The following LSM14A variants were observed in gnomAD, a reference collection of about 807,000 sequenced individuals.
LSM14A encodes LSM14A mRNA processing body assembly factor.
LSM14A carries 14 observed loss-of-function variants against 52.4 expected under a neutral mutation model. The observed-to-expected ratio is 0.27, with a 90% CI of 0.18 to 0.42. The LOEUF is 0.42. Among genes scored for constraint, LSM14A ranks in the 10% least tolerant of loss-of-function variants. LSM14A has a pLI of 1.00. For missense variants in LSM14A, 417 were observed against 581.8 expected, an observed-to-expected ratio of 0.72 and a Z score of 2.91; for synonymous variants, 185 against 200.3, an observed-to-expected ratio of 0.92 and a Z score of 0.64.
chr19:34,206,859 G>A (rs1386116949), intron 3 of LSM14A, among the ~76,000 whole-genome samples: 3 of 152,148 alleles, frequency 2.0e-5, no homozygotes, highest in Admixed American at 1.3e-4. Context: ...TTCAGAAGAA[G>A]GATTGTATAT....
chr19:34,221,843 G>A (rs1457905033), intron 9 of LSM14A, 105 bp downstream of exon 9: 1 of 1,458,098 alleles, frequency 6.9e-7, no homozygotes, highest in Non-Finnish European at 9.1e-7. Context: ...GAGGACATTA[G>A]AATAACTTCC....
At chr19:34,177,016 C>G (rs1049689705) in intron 1 of LSM14A, among the ~76,000 whole-genome samples, 1 of 152,210 alleles carries the variant, frequency 6.6e-6, no homozygotes, top group Non-Finnish European at 1.5e-5. Context: ...TCCCTCATTA[C>G]TAAATGGGGC....
chr19:34,221,932 T>G (rs929251480), intron 9 of LSM14A, 194 bp downstream of exon 9: 1 of 758,874 alleles, frequency 1.3e-6, no homozygotes, highest in African/African-American at 1.9e-5. Context: ...CAGTATAGTA[T>G]CACCTTTATT....
At chr19:34,219,926 A>G in intron 8 of LSM14A, 49 bp downstream of exon 8, 7 of 1,377,696 alleles carry the variant, frequency 5.1e-6, no homozygotes, top group Non-Finnish European at 7.1e-6. Flanking sequence ...ATTGAAGTGT[A>G]AAATGGTTTC....
At chr19:34,206,311 C>T (rs1373581186) in intron 3 of LSM14A, among the ~76,000 whole-genome samples, 1 of 152,014 alleles carries the variant, frequency 6.6e-6, no homozygotes, top group Non-Finnish European at 1.5e-5. Context: ...TTCAAGGCTG[C>T]AGTGAGCCAT....
At chr19:34,223,423 G>A (rs1333895702) in intron 9 of LSM14A, among the ~76,000 whole-genome samples, 1 of 152,098 alleles carries the variant, frequency 6.6e-6, no homozygotes, top group Non-Finnish European at 1.5e-5. Flanking sequence ...GACCCTATGT[G>A]TTTCTGCACC....
chr19:34,221,352 G>A (rs929095934), intron 8 of LSM14A, 155 bp from the exon 9 acceptor site: 11 of 850,964 alleles, frequency 1.3e-5, no homozygotes, highest in Non-Finnish European at 1.8e-5. Flanking sequence ...AAAGTGCTGG[G>A]ATTACAGGCG....
At position 34,192,669 on chromosome 19, in the gene LSM14A, C is replaced by T. The variant is rs1275747828; in HGVS notation, c.122-1809C>T. 1.2e-4 allele frequency among the ~76,000 whole-genome samples: 12 copies of T among 97,510 alleles called. No individual in the cohort carries two copies. In the South Asian group the frequency reaches 1.5e-3, roughly 12 times the overall value. The allele number at this position is 97,510 out of a possible 152,430, so 64.0% of individuals were successfully genotyped here. ...AAAAAAAAAAAAAAAAAAAAAAAAG[C>T]GTATGCATTAAAAATACTAAGGGGG... On this transcript the variant is annotated intron_variant, in intron 1 of 9. Transcript: ENST00000544216.
At chr19:34,192,287 A>C (rs1365070983) in intron 1 of LSM14A, among the ~76,000 whole-genome samples, 1 of 130,870 alleles carries the variant, frequency 7.6e-6, no homozygotes, top group Non-Finnish European at 1.7e-5. Flanking sequence ...AGTGTAGGAC[A>C]TTATTTACAC....
chr19:34,197,799 G>A (rs565136940), intron 3 of LSM14A, among the ~76,000 whole-genome samples: 12 of 152,200 alleles, frequency 7.9e-5, no homozygotes, highest in African/African-American at 2.4e-4. Context: ...ATAAAGATAC[G>A]CATAGCATGA....
At chr19:34,219,911 T>TATTG (rs1288969398) in intron 8 of LSM14A, 34 bp downstream of exon 8, 1 of 1,463,656 alleles carries the variant, frequency 6.8e-7, no homozygotes, top group Non-Finnish European at 9.5e-7. Context: ...TATCTTATGA[T>TATTG]ATTGATTGAA....
At chr19:34,190,452 A>C (rs536205975) in intron 1 of LSM14A, among the ~76,000 whole-genome samples, 2 of 152,022 alleles carry the variant, frequency 1.3e-5, no homozygotes, top group East Asian at 3.9e-4. Flanking sequence ...AAATTCTACT[A>C]TGGGTTATTT....
chr19:34,220,339 C>T (rs898113945), intron 8 of LSM14A, among the ~76,000 whole-genome samples: 2 of 152,100 alleles, frequency 1.3e-5, no homozygotes, highest in African/African-American at 4.8e-5. Flanking sequence ...GAAGAAATAA[C>T]CATATACTTT....
chr19:34,194,104 C>G (rs1168544669), intron 1 of LSM14A, among the ~76,000 whole-genome samples: 1 of 152,116 alleles, frequency 6.6e-6, no homozygotes, highest in Non-Finnish European at 1.5e-5. Context: ...GCCCGGGAAG[C>G]TGAGGCTGCA....
chr19:34,206,396 C>T (rs188445692), intron 3 of LSM14A, among the ~76,000 whole-genome samples: 2 of 151,078 alleles, frequency 1.3e-5, no homozygotes, highest in East Asian at 3.9e-4. Flanking sequence ...AGACTGGGTA[C>T]GGTGGCTCAA....
At chr19:34,191,849 G>A (rs933845848) in intron 1 of LSM14A, among the ~76,000 whole-genome samples, 1 of 152,166 alleles carries the variant, frequency 6.6e-6, no homozygotes, top group Non-Finnish European at 1.5e-5. Flanking sequence ...TTTGTAATTA[G>A]TCCTTTCTCC....
At chr19:34,194,868 A>T (rs1391730555) in intron 2 of LSM14A, among the ~76,000 whole-genome samples, 2 of 152,342 alleles carry the variant, frequency 1.3e-5, no homozygotes, top group East Asian at 3.9e-4. Context: ...TCTAATTTCA[A>T]CAACAATTAC....
At chr19:34,209,137 G>T (rs563541147) in intron 4 of LSM14A, 86 bp downstream of exon 4, 1 of 1,152,492 alleles carries the variant, frequency 8.7e-7, no homozygotes, top group Non-Finnish European at 1.2e-6. Flanking sequence ...TTTGCAGCTT[G>T]TAAATCGCGT....
chr19:34,214,728 T>C (rs1010856904), intron 4 of LSM14A, among the ~76,000 whole-genome samples: 2 of 152,152 alleles, frequency 1.3e-5, no homozygotes, highest in African/African-American at 4.8e-5. Flanking sequence ...CATAGTCTTA[T>C]GGTTGTCATT....
Sources: allele counts gnomAD v4.1 joint callset (sites outside exome capture counted in the v4.1 genomes callset), GRCh38; gene constraint gnomAD v4.1.1; transcripts MANE v1.5; gene names NCBI Gene and HGNC (gene_info 2026-07-23, HGNC 2026-07-21).